MUC4: variants seen among roughly 807,000 people sequenced by gnomAD.
MUC4 encodes mucin-4.
Under a neutral mutation model 257.9 loss-of-function variants are expected in MUC4, and 202 were observed. That is an observed-to-expected ratio of 0.78 (90% CI 0.70 to 0.88). The LOEUF (loss-of-function observed/expected upper bound fraction) is 0.88. Ranked by LOEUF, MUC4 falls within the 40% of genes least tolerant of loss-of-function variation. The pLI, the probability that MUC4 is intolerant of heterozygous loss-of-function variation, is 0.00. For synonymous variants in MUC4, 2,351 were observed against 2,757.1 expected (o/e 0.85, Z 4.62); for missense variants, 5,976 against 6,513.7 (o/e 0.92, Z 2.84).
At chr3:195,764,904 G>A in intron 10 of MUC4, 93 bp downstream of exon 10, 2 of 1,517,928 alleles carry the variant, frequency 1.3e-6, no homozygotes, top group Non-Finnish European at 1.8e-6. Flanking sequence ...CCAGAGAGGG[G>A]AAGGGTCTGG....
In MUC4 at chr3:195,757,499, C is replaced by T. The variant is rs956516688; in HGVS notation, c.14987-171G>A. On this transcript the variant is annotated intron_variant, in intron 17 of 24. Transcript: ENST00000463781. This position sits in a 1 kb window ranked among gnomAD's most constrained non-coding sequence, Gnocchi z 4.8. ...CTGGTATCGGGGGTGATCCTGGTCA[C>T]GCTCCCAGCTGGAAGGACGTGGCAC... Among the ~76,000 whole-genome samples the T allele has an allele frequency of 2.0e-5, 3 of 151,850 alleles. No homozygotes were observed. Among genetic ancestry groups the T allele is most frequent in the Non-Finnish European group, 2.9e-5 (2 of 67,980 alleles).
rs761850770 is a variant in MUC4, at chr3:195,750,898, C to T, written c.15862G>A (p.Val5288Met). 103 of 1,613,290 alleles carry T rather than the reference C, an allele frequency of 6.4e-5. No homozygotes were observed. Among genetic ancestry groups the T allele is most frequent in the Admixed American group, 6.3e-4 (38 of 59,998 alleles). ...GAATGGACGGACTCACGGGCTGTCA[C>T]ATCGCGCACGTCTTCCCCGGAGATG... ...QPISGEDVRDVTALNVSTLKA... is the reference protein window; with the variant it reads ...QPISGEDVRDMTALNVSTLKA... The change falls in exon 23 of 25, where the codon GTG becomes ATG. Residue 5288 changes from valine to methionine, a missense_variant. Val to Met is a conservative substitution (Grantham distance 21). This residue lies in a region of MUC4 where 310 missense variants were observed against 242.1 expected (regional missense o/e 1.28). Coordinates refer to ENST00000463781, the MANE Select transcript of MUC4 (RefSeq NM_018406.7).
In MUC4 at chr3:195,789,354, G is replaced by A. The variant is rs1167210437; in HGVS notation, c.2226C>T (p.Asn742=). ...LSKTGALTLA[N]SVVSTPGGPE... Reference sequence around the variant, plus strand: ...GGCCCCCTGGTGTTGACACTACAGAGTTGGCCAGAGTAAGGGCACCTGTTT... The same window carrying A: ...GGCCCCCTGGTGTTGACACTACAGAATTGGCCAGAGTAAGGGCACCTGTTT... The change falls in exon 2 of 25, where the codon AAC becomes AAT. Residue 742 remains asparagine (N), a synonymous_variant. Transcript: ENST00000463781. 2 of 1,613,990 alleles carry A rather than the reference G, an allele frequency of 1.2e-6. No homozygotes were observed. The highest frequency in any genetic ancestry group is 1.3e-5 in the African/African-American group (1 of 75,036).
chr3:195,788,963 G>A lies in MUC4; in HGVS notation c.2617C>T (p.His873Tyr), dbSNP rs535633166. The A allele has an allele frequency of 8.7e-5, 140 of 1,613,676 alleles. 3 individuals are homozygous for A. The South Asian group carries it at 1.4e-3, about 17-fold the overall frequency. ...MASSIVPGTF[H>Y]PTLSEASTAG... ...GTGGAGGCCTCAGAGAGGGTGGGATGAAAGGTGCCGGGGACGATCGAAGAC... is the reference window on the plus strand; with the variant it reads ...GTGGAGGCCTCAGAGAGGGTGGGATAAAAGGTGCCGGGGACGATCGAAGAC... The change falls in exon 2 of 25, where the codon CAT becomes TAT. Residue 873 changes from histidine to tyrosine, a missense_variant. Physicochemically the swap from His to Tyr is moderately conservative, Grantham distance 83. This residue lies in a region of MUC4 where 1,583 missense variants were observed against 1,257.4 expected (regional missense o/e 1.26). Coordinates refer to ENST00000463781, the MANE Select transcript of MUC4 (RefSeq NM_018406.7).
chr3:195,756,878 G>A (rs1286839058), intron 18 of MUC4, among the ~76,000 whole-genome samples: 1 of 152,046 alleles, frequency 6.6e-6, no homozygotes, highest in Non-Finnish European at 1.5e-5. Context: ...GGTCAGGATG[G>A]TCTCGATCTC....
chr3:195,754,417 G>A (rs1395068829), intron 18 of MUC4, 45 bp from the exon 19 acceptor site: 1 of 1,571,006 alleles, frequency 6.4e-7, no homozygotes, highest in Admixed American at 1.7e-5. Flanking sequence ...GACCAAACTG[G>A]GAAGGGCTTC....
intron 3 of MUC4, among the ~76,000 whole-genome samples, chr3:195,775,442 A>G (rs1230159411): frequency 8.8e-6 from 1 of 114,228 alleles, no homozygotes; most frequent in African/African-American, 3.1e-5. Flanking sequence ...TTCCACACCC[A>G]TACCTTCCAC....
At chr3:195,805,367 C>A (rs1735848600) in intron 1 of MUC4, among the ~76,000 whole-genome samples, 1 of 152,154 alleles carries the variant, frequency 6.6e-6, no homozygotes, top group African/African-American at 2.4e-5. Context: ...CGGCTGTGAG[C>A]ACAGCACGCC....
intron 1 of MUC4, among the ~76,000 whole-genome samples, chr3:195,793,825 G>A (rs760109503): frequency 5.9e-5 from 9 of 152,048 alleles, no homozygotes; most frequent in Non-Finnish European, 8.8e-5. Context: ...TTTCTTTTTC[G>A]TTGTTAACAT....
rs569723998 is a variant in MUC4, at chr3:195,788,676, C to T, written c.2904G>A (p.Thr968=). Residue 968 remains threonine, a synonymous_variant, in exon 2 of 25, where the codon ACG becomes ACA. Coordinates refer to ENST00000463781, the MANE Select transcript of MUC4 (RefSeq NM_018406.7). Reference sequence around the variant, plus strand: ...GAGGGGTGGCGTTGCTGATGAGGGCCGTGGTGAAGGTTTTACCAGACCCTG... The same window carrying T: ...GAGGGGTGGCGTTGCTGATGAGGGCTGTGGTGAAGGTTTTACCAGACCCTG... ...SPSGSGKTFT[T]ALISNATPLP... is the part of the protein sequence containing the mutation. 55 of 1,593,742 alleles carry T rather than the reference C, an allele frequency of 3.5e-5. No homozygotes were observed. In the East Asian group the frequency reaches 5.6e-4, roughly 16 times the overall value.
Position 195,789,875 on chromosome 3 carries a change from G to C in MUC4, c.1705C>G (p.Gln569Glu). 1 of 1,613,918 alleles carries C rather than the reference G, an allele frequency of 6.2e-7. No individual in the cohort carries two copies. Residue 569 changes from glutamine (Q) to glutamate (E), a missense_variant, in exon 2 of 25, where the codon CAA becomes GAA. Physicochemically the swap from Gln to Glu is conservative, Grantham distance 29 (BLOSUM62 2). Around this residue, in one of 44 missense-constraint regions of MUC4, gnomAD observed 1,583 missense variants for 1,257.4 expected, o/e 1.26. Transcript: ENST00000463781. ...TGAGAQTQWTQETGTTGEALL... is the reference protein window; with the variant it reads ...TGAGAQTQWTEETGTTGEALL... ...GCCTCTCCAGTGGTCCCCGTTTCTT[G>C]TGTCCATTGTGTCTGGGCGCCTGCC...
In MUC4 at chr3:195,788,784, G is replaced by C. The variant is rs774761081; in HGVS notation, c.2796C>G (p.Phe932Leu). 6.2e-7 allele frequency: 1 copy of C among 1,613,958 alleles called. No individual in the cohort carries two copies. Among genetic ancestry groups the C allele is most frequent in the South Asian group, 1.1e-5 (1 of 91,084 alleles). ...ISLASQATDTFSTVPPTPPSI... is the reference protein window; with the variant it reads ...ISLASQATDTLSTVPPTPPSI... ...ATGGAGGTGTGGGTGGGACTGTTGA[G>C]AAGGTGTCGGTTGCCTGGGACGCCA... The change falls in exon 2 of 25, where the codon TTC (phenylalanine) becomes TTG (leucine). Residue 932 changes from phenylalanine to leucine, a missense_variant. By Grantham distance (22) the Phe-to-Leu change is conservative (BLOSUM62 0). Transcript: ENST00000463781.
chr3:195,778,750 G>T (rs778205373), intron 2 of MUC4, 40 bp downstream of exon 2: 2 of 1,559,984 alleles, frequency 1.3e-6, no homozygotes, highest in South Asian at 1.2e-5. Flanking sequence ...CCGCCAAGGG[G>T]CCCACTGGGA....
At position 195,789,034 on chromosome 3, in the gene MUC4, G is replaced by C. The variant is rs1005318063; in HGVS notation, c.2546C>G (p.Ser849Cys). Reference sequence around the variant, plus strand: ...GATGGCACCATGACTGGCTGAGGCGGACAGCAATTCGGTTGTTGACTGGGT... The same window carrying C: ...GATGGCACCATGACTGGCTGAGGCGCACAGCAATTCGGTTGTTGACTGGGT... ...HTTQSTTELL[S>C]ASASHGAIPV... Residue 849 changes from serine (S) to cysteine (C), a missense_variant, in exon 2 of 25, where the codon TCC (serine) becomes TGC (cysteine). Physicochemically the swap from Ser to Cys is moderately radical, Grantham distance 112. This residue lies in a region of MUC4 where 1,583 missense variants were observed against 1,257.4 expected (regional missense o/e 1.26). Coordinates refer to ENST00000463781, the MANE Select transcript of MUC4 (RefSeq NM_018406.7). 18 of 1,613,748 alleles carry C rather than the reference G, an allele frequency of 1.1e-5. No individual in the cohort carries two copies. Among genetic ancestry groups the C allele is most frequent in the East Asian group, 2.2e-5 (1 of 44,906 alleles).
At chr3:195,752,840 C>T (rs895592652) in intron 20 of MUC4, among the ~76,000 whole-genome samples, 2 of 152,230 alleles carry the variant, frequency 1.3e-5, no homozygotes, top group Admixed American at 6.5e-5. Context: ...CGTCCTTCCT[C>T]CATAGGCCAC....
rs964812734 is a variant in MUC4 at position 195,767,971 on chromosome 3, C to T, written c.13529+1051G>A. On this transcript the variant is annotated intron_variant, in intron 7 of 24. Coordinates refer to ENST00000463781, the MANE Select transcript of MUC4 (RefSeq NM_018406.7). The stretch of plus-strand genomic sequence containing the variant: ...CCACCACCACCACCACCACCACTAT[C>T]GCCATCACCGTCCCCAGGTGTGGGG... 3.0e-4 allele frequency among the ~76,000 whole-genome samples: 46 copies of T among 151,860 alleles called. 1 individual carries two copies. Among genetic ancestry groups the T allele is most frequent in the Non-Finnish European group, 4.1e-4 (28 of 67,972 alleles).
chr3:195,811,379 G>A (rs1291226086), intron 1 of MUC4, among the ~76,000 whole-genome samples: 1 of 151,698 alleles, frequency 6.6e-6, no homozygotes, highest in Non-Finnish European at 1.5e-5. Context: ...TCACCATGTC[G>A]GCCAGGCTGG....
At chr3:195,767,781 CCACCATCATTGCCACCACCATCAT>C (rs1721580537) in intron 7 of MUC4, among the ~76,000 whole-genome samples, 1 of 132,596 alleles carries the variant, frequency 7.5e-6, no homozygotes, top group Non-Finnish European at 1.6e-5. Flanking sequence ...ACCACCATCA[CCACCATCATTGCCACCACCATCAT>C]CACCACCATC....
At chr3:195,767,694 C>CATCACCA (rs1560263567) in intron 7 of MUC4, among the ~76,000 whole-genome samples, 1 of 1,758 alleles carries the variant, frequency 5.7e-4, no homozygotes. Context: ...CTGGCCACCC[C>CATCACCA]CCAAAAAATA....
Sources: allele counts gnomAD v4.1 joint callset (sites outside exome capture counted in the v4.1 genomes callset), GRCh38; gene constraint gnomAD v4.1.1; regional missense constraint gnomAD v4.1.1; non-coding constraint Gnocchi (gnomAD v3.1); transcripts MANE v1.5; gene names NCBI Gene and HGNC (gene_info 2026-07-23, HGNC 2026-07-21).